CELF1: variants seen among roughly 807,000 people sequenced by gnomAD.
CELF1 encodes 50 kDa nuclear polyadenylated RNA-binding protein.
CELF1 carries 10 observed loss-of-function variants against 61.8 expected under a neutral mutation model. The observed-to-expected ratio is 0.16, with a 90% CI of 0.10 to 0.27. CELF1 has a LOEUF of 0.27. Among genes scored for constraint, CELF1 ranks in the 10% least tolerant of loss-of-function variants. CELF1 has a pLI of 1.00. For missense variants in CELF1, 380 were observed against 639.1 expected, an observed-to-expected ratio of 0.59 and a Z score of 4.37; for synonymous variants, 236 against 225.1, an observed-to-expected ratio of 1.05 and a Z score of -0.43.
At chr11:47,501,779 C>T (rs540181120) in intron 1 of CELF1, among the ~76,000 whole-genome samples, 1 of 152,202 alleles carries the variant, frequency 6.6e-6, no homozygotes, top group South Asian at 2.1e-4. Flanking sequence ...GCTGAGATCA[C>T]GCCACTGCAC....
chr11:47,478,900 A>G lies in CELF1; in HGVS notation c.821T>C (p.Leu274Pro). 6.2e-7 allele frequency: 1 copy of G among 1,613,060 alleles called. No homozygotes were observed. The highest frequency in any genetic ancestry group is 8.5e-7 in the Non-Finnish European group (1 of 1,179,574). Residue 274 changes from leucine to proline, a missense_variant, in exon 10 of 15, where the codon CTG becomes CCG. Physicochemically the swap from Leu to Pro is moderately conservative, Grantham distance 98. Coordinates refer to ENST00000687097, the MANE Select transcript of CELF1 (RefSeq NM_001376376.1). ...ACCTCCCATTGGGTGGAGGCTGCTC[A>G]GGGTGTTGAGGTTCCCAGAGGAGGC... ...QTASSGNLNT[L>P]SSLHPMGGLN...
chr11:47,485,041 T>C (rs1388495125), intron 6 of CELF1, among the ~76,000 whole-genome samples: 1 of 152,240 alleles, frequency 6.6e-6, no homozygotes. Flanking sequence ...AGATGAAATA[T>C]GGTAGCTTTG....
At chr11:47,523,912 G>A (rs770739818) in intron 1 of CELF1, 3 of 152,138 alleles carry the variant, frequency 2.0e-5, no homozygotes, top group South Asian at 2.1e-4. Flanking sequence ...TTAAAATACA[G>A]TAACAAACCC....
chr11:47,476,647 C>T (rs1046196309), intron 12 of CELF1, among the ~76,000 whole-genome samples, 199 bp downstream of exon 12: 12 of 152,132 alleles, frequency 7.9e-5, no homozygotes, highest in African/African-American at 1.7e-4. Context: ...AGAATGGTCT[C>T]GATCTCCTGA....
At chr11:47,476,397 C>G (rs111803643) in intron 12 of CELF1, among the ~76,000 whole-genome samples, 3,365 of 152,282 alleles carry the variant, frequency 0.022, 95 homozygotes, top group African/African-American at 0.069. Context: ...CTAACGGACA[C>G]AGGTGGGATT....
At chr11:47,542,547 G>A (rs545246480) in intron 1 of CELF1, among the ~76,000 whole-genome samples, 34 of 148,992 alleles carry the variant, frequency 2.3e-4, no homozygotes, top group South Asian at 2.1e-3. Flanking sequence ...GCCCAGGCTG[G>A]AGTGTAGTGG....
At chr11:47,511,273 T>C (rs1267337567) in intron 1 of CELF1, among the ~76,000 whole-genome samples, 1 of 151,886 alleles carries the variant, frequency 6.6e-6, no homozygotes, top group Non-Finnish European at 1.5e-5. Context: ...CTCCTAAACA[T>C]GAAAGTCAGG....
At chr11:47,529,067 GTTTA>G (rs1035632298) in intron 1 of CELF1, among the ~76,000 whole-genome samples, 1 of 146,966 alleles carries the variant, frequency 6.8e-6, no homozygotes. Context: ...ACCTCACCCA[GTTTA>G]TTTTACTTTT....
chr11:47,479,103 T>G, intron 9 of CELF1, 151 bp from the exon 10 acceptor site: 1 of 593,354 alleles, frequency 1.7e-6, no homozygotes, highest in Non-Finnish European at 3.0e-6. Context: ...AACAGAAACA[T>G]GAGGCTTATG....
At chr11:47,533,591 C>A (rs2096544494) in intron 1 of CELF1, among the ~76,000 whole-genome samples, 1 of 152,020 alleles carries the variant, frequency 6.6e-6, no homozygotes, top group Non-Finnish European at 1.5e-5. Context: ...CCACCGCACT[C>A]CAGCCTGGGC....
intron 1 of CELF1, among the ~76,000 whole-genome samples, chr11:47,502,560 C>T (rs1430380696): frequency 2.6e-5 from 4 of 152,064 alleles, no homozygotes; most frequent in Non-Finnish European, 5.9e-5. Context: ...AGTCCGGACA[C>T]GGTGGCTCAA....
chr11:47,499,640 G>T, intron 2 of CELF1, 36 bp from the exon 3 acceptor site: 1 of 767,320 alleles, frequency 1.3e-6, no homozygotes, highest in Non-Finnish European at 2.1e-6. Flanking sequence ...GGAAACAGGA[G>T]CTCAGGGAAA....
chr11:47,476,387 C>T (rs921333403), intron 12 of CELF1, among the ~76,000 whole-genome samples: 1 of 152,176 alleles, frequency 6.6e-6, no homozygotes, highest in Non-Finnish European at 1.5e-5. Context: ...TTATAGCTAG[C>T]TAACGGACAC....
chr11:47,497,087 G>A (rs890901765), intron 3 of CELF1, among the ~76,000 whole-genome samples: 1 of 152,194 alleles, frequency 6.6e-6, no homozygotes, highest in Non-Finnish European at 1.5e-5. Flanking sequence ...CCAAGGAGGA[G>A]AGGAAGAGAA....
intron 1 of CELF1, among the ~76,000 whole-genome samples, chr11:47,545,086 CAGCCTGGCCA>C (rs1005190162): frequency 5.9e-5 from 9 of 152,004 alleles, no homozygotes; most frequent in Admixed American, 1.3e-4. Context: ...AGTTCAAGAT[CAGCCTGGCCA>C]AGCCTGGCCA....
At chr11:47,555,405 C>T (rs2097202958), upstream of CELF1, among the ~76,000 whole-genome samples, 1 of 152,134 alleles carries the variant, frequency 6.6e-6, no homozygotes, top group African/African-American at 2.4e-5. Flanking sequence ...CAACCAGAAG[C>T]TTTTTCCTAT....
chr11:47,518,205 A>G (rs1394137719), intron 1 of CELF1, among the ~76,000 whole-genome samples: 1 of 152,234 alleles, frequency 6.6e-6, no homozygotes, highest in Non-Finnish European at 1.5e-5. Context: ...CAGGTGATCC[A>G]GCAGTATATC....
chr11:47,525,078 A>C (rs2096167638), intron 1 of CELF1, among the ~76,000 whole-genome samples: 1 of 152,194 alleles, frequency 6.6e-6, no homozygotes, highest in Non-Finnish European at 1.5e-5. Context: ...TTTAAATCCT[A>C]AAATTTAACA....
At chr11:47,510,496 G>A (rs934784428) in intron 1 of CELF1, among the ~76,000 whole-genome samples, 2 of 152,006 alleles carry the variant, frequency 1.3e-5, no homozygotes, top group African/African-American at 4.8e-5. Flanking sequence ...AAGACTCACT[G>A]TTTTTTGTTT....
Sources: gnomAD v4.1 joint callset for allele counts (sites outside exome capture counted in the v4.1 genomes callset) on GRCh38, gnomAD v4.1.1 for gene constraint, MANE v1.5 for transcripts, NCBI Gene and HGNC (gene_info 2026-07-23, HGNC 2026-07-21) for gene names.